The following FAM120C variants were observed in gnomAD, a reference collection of about 807,000 sequenced individuals.
FAM120C encodes constitutive coactivator of PPAR-gamma-like protein 2.
Under a neutral mutation model 71.2 loss-of-function variants are expected in FAM120C, and 14 were observed. The ratio of observed to expected loss-of-function variants is 0.20; its 90% CI spans 0.13 to 0.31. The LOEUF (loss-of-function observed/expected upper bound fraction) is 0.31, where lower values mean the gene tolerates loss of function less well. FAM120C is among the 10% of genes least tolerant of loss of function. The pLI, the probability that FAM120C is intolerant of heterozygous loss-of-function variation, is 1.00. For missense variants in FAM120C, 500 were observed against 879.0 expected (o/e 0.57, Z 5.45); for synonymous variants, 354 against 353.2 (o/e 1.00, Z -0.03).
intron 10 of FAM120C, among the ~76,000 whole-genome samples, chrX:54,114,021 T>C (rs182487864): frequency 1.1e-5 from 1 of 93,050 alleles, no homozygotes; most frequent in African/African-American, 4.1e-5. Context: ...AATGAATGAA[T>C]GATTAAAGAA....
intron 12 of FAM120C, among the ~76,000 whole-genome samples, 183 bp downstream of exon 12, chrX:54,087,572 T>C (rs1054911538): frequency 7.2e-5 from 8 of 111,176 alleles, no homozygotes; most frequent in Non-Finnish European, 1.9e-5. Flanking sequence ...CATAAAATTT[T>C]ACAACATGTA....
chrX:54,103,011 C>T (rs1225019799), intron 10 of FAM120C, among the ~76,000 whole-genome samples: 2 of 111,292 alleles, frequency 1.8e-5, no homozygotes, highest in African/African-American at 3.3e-5. Context: ...AGCCACTGTG[C>T]CCAGCCTGTA....
At chrX:54,143,942 G>A (rs782209626) in intron 4 of FAM120C, among the ~76,000 whole-genome samples, 2 of 111,912 alleles carry the variant, frequency 1.8e-5, no homozygotes, top group South Asian at 3.8e-4. Context: ...GAATCCAGCA[G>A]CACATCAAAA....
At chrX:54,118,347 C>T (rs1481584097) in intron 9 of FAM120C, among the ~76,000 whole-genome samples, 1 of 110,972 alleles carries the variant, frequency 9.0e-6, no homozygotes, top group Non-Finnish European at 1.9e-5. Context: ...CAAGAATGCA[C>T]CACAGTTTAA....
intron 10 of FAM120C, among the ~76,000 whole-genome samples, chrX:54,092,037 GC>G (rs2066826992): frequency 9.0e-6 from 1 of 111,168 alleles, no homozygotes; most frequent in East Asian, 2.8e-4. Context: ...TCACATAAAA[GC>G]CCAGAACGTT....
At position 54,118,699 on chromosome X, in the gene FAM120C, C is replaced by CT. The variant is rs1187381929; in HGVS notation, c.2063-1906dup. Reference sequence around the variant, plus strand: ...TTTTAATTTGTATTTTTCTTTTTTTCTTTTTTTTTTTTTTTTTTTTTTTTT... The same window carrying CT: ...TTTTAATTTGTATTTTTCTTTTTTTCTTTTTTTTTTTTTTTTTTTTTTTTTT... On this transcript the variant is annotated intron_variant, in intron 9 of 15. Transcript: ENST00000375180. Among the ~76,000 whole-genome samples the CT allele has an allele frequency of 1.8e-3, 57 of 31,730 alleles. 2 individuals carry two copies. Among genetic ancestry groups the CT allele is most frequent in the African/African-American group, 2.7e-3 (19 of 7,122 alleles). 27.6% of individuals were successfully genotyped at this position (31,730 alleles called of 115,157 possible).
chrX:54,141,566 T>A (rs1277477201), intron 4 of FAM120C, among the ~76,000 whole-genome samples: 2 of 110,443 alleles, frequency 1.8e-5, no homozygotes, highest in Non-Finnish European at 3.8e-5. Flanking sequence ...GGGAACAAGA[T>A]AAGAATATAT....
intron 10 of FAM120C, among the ~76,000 whole-genome samples, chrX:54,102,775 A>C (rs2066888451): frequency 1.2e-5 from 1 of 82,779 alleles, no homozygotes; most frequent in Non-Finnish European, 2.3e-5. Context: ...GCTGGAGTGC[A>C]GTGGCGCGAT....
rs2067362900 is a variant in FAM120C at position 54,183,001 on chromosome X, C to G, written c.198G>C (p.Pro66=). 1.7e-6 allele frequency: 2 copies of G among 1,159,069 alleles called. No individual in the cohort carries two copies. The highest frequency in any genetic ancestry group is 2.3e-6 in the Non-Finnish European group (2 of 871,214). The change falls in exon 1 of 16, where the codon CCG becomes CCC. Residue 66 remains proline (P), a synonymous_variant. Coordinates refer to ENST00000375180, the MANE Select transcript of FAM120C (RefSeq NM_017848.6). ...AGGCACCCAAGGCAGCGGGCGGAAG[C>G]GGCGGTTGCAGAGGCACGGAGCCCC... is the stretch of plus-strand genomic sequence containing the variant. ...AARGSVPLQP[P]LPPAALGAYS...
intron 10 of FAM120C, among the ~76,000 whole-genome samples, chrX:54,112,646 C>A (rs1191327592): frequency 1.8e-5 from 2 of 110,481 alleles, no homozygotes; most frequent in African/African-American, 6.6e-5. Context: ...CTGAGACCAT[C>A]CTGGCTAACA....
chrX:54,138,768 G>A (rs1260402888), intron 4 of FAM120C, among the ~76,000 whole-genome samples: 1 of 112,127 alleles, frequency 8.9e-6, no homozygotes, highest in Non-Finnish European at 1.9e-5. Context: ...GCAGTGAGCC[G>A]AGATCTTGCC....
At chrX:54,168,163 G>T (rs1158372830) in intron 1 of FAM120C, among the ~76,000 whole-genome samples, 6 of 110,754 alleles carry the variant, frequency 5.4e-5, no homozygotes, top group African/African-American at 1.6e-4. Context: ...TTTTTTGAGG[G>T]TATCATTTTG....
At chrX:54,153,573 ATT>A (rs781816271) in intron 3 of FAM120C, among the ~76,000 whole-genome samples, 3 of 92,451 alleles carry the variant, frequency 3.2e-5, no homozygotes, top group Admixed American at 1.2e-4. Context: ...ACGCCCAGCT[ATT>A]TTTTTTTTTT....
At chrX:54,095,836 A>G (rs1436925815) in intron 10 of FAM120C, among the ~76,000 whole-genome samples, 15 of 108,819 alleles carry the variant, frequency 1.4e-4, no homozygotes, top group Non-Finnish European at 2.9e-4. Context: ...TTGTATTTTT[A>G]GAAGAGATGG....
At chrX:54,073,442 T>C (rs1218036108) in intron 15 of FAM120C, among the ~76,000 whole-genome samples, 155 bp from the exon 16 acceptor site, 1 of 110,177 alleles carries the variant, frequency 9.1e-6, no homozygotes. Flanking sequence ...TCTTTTTTTT[T>C]TTTTTTAAGA....
At chrX:54,073,989 C>G (rs1328109789) in intron 15 of FAM120C, among the ~76,000 whole-genome samples, 1 of 110,289 alleles carries the variant, frequency 9.1e-6, no homozygotes, top group Non-Finnish European at 1.9e-5. Flanking sequence ...CCACATCCAG[C>G]TGATTTTTGT....
At chrX:54,136,455 T>C in intron 5 of FAM120C, 36 bp downstream of exon 5, 2 of 1,062,646 alleles carry the variant, frequency 1.9e-6, no homozygotes, top group South Asian at 1.9e-5. Context: ...GTTTCCCCTA[T>C]GAACAGAGCA....
chrX:54,075,743 G>A (rs1455663011), intron 15 of FAM120C, among the ~76,000 whole-genome samples: 1 of 104,821 alleles, frequency 9.5e-6, no homozygotes, highest in Non-Finnish European at 1.9e-5. Flanking sequence ...AGGTTGCAGC[G>A]AGCCAAGATC....
chrX:54,084,183 A>C (rs2066782243), intron 13 of FAM120C, among the ~76,000 whole-genome samples: 1 of 111,815 alleles, frequency 8.9e-6, no homozygotes, highest in Non-Finnish European at 1.9e-5. Flanking sequence ...GGCTTAAATT[A>C]AGGCTGTCTT....
Sources: gnomAD v4.1 joint callset for allele counts (sites outside exome capture counted in the v4.1 genomes callset) on GRCh38, gnomAD v4.1.1 for gene constraint, MANE v1.5 for transcripts, NCBI Gene and HGNC (gene_info 2026-07-23, HGNC 2026-07-21) for gene names.